Variants in CCDC61 observed in about 807,000 individuals in gnomAD.
CCDC61 encodes the protein centrosomal protein CCDC61.
CCDC61 carries 55 observed loss-of-function variants against 63.0 expected under a neutral mutation model. That is an observed-to-expected ratio of 0.87 (90% CI 0.70 to 1.09). CCDC61 has a LOEUF of 1.09. Among genes scored for constraint, CCDC61 ranks in the 50% least tolerant of loss-of-function variants. The pLI, the probability that CCDC61 is intolerant of heterozygous loss-of-function variation, is 0.00. For missense variants in CCDC61, 651 were observed against 731.4 expected (o/e 0.89, Z 1.27); for synonymous variants, 270 against 317.0 (o/e 0.85, Z 1.58).
chr19:46,006,707 A>C lies in CCDC61; in HGVS notation c.380A>C (p.Glu127Ala). 6.2e-7 allele frequency: 1 copy of C among 1,604,420 alleles called. No individual in the cohort carries two copies. Among genetic ancestry groups the C allele is most frequent in the Non-Finnish European group, 8.5e-7 (1 of 1,172,784 alleles). The change falls in exon 4 of 14, where the codon GAG (glutamate) becomes GCG (alanine). Residue 127 changes from glutamate (E) to alanine (A), a missense_variant. Coordinates refer to ENST00000595358, the MANE Select transcript of CCDC61 (RefSeq NM_001267723.2). Reference sequence around the variant, plus strand: ...TACCTGATCCTCATCTACTCCGTGGAGTTTGACAGGTGGGGAGAAGGGTCT... The same window carrying C: ...TACCTGATCCTCATCTACTCCGTGGCGTTTGACAGGTGGGGAGAAGGGTCT... ...KRYLILIYSV[E>A]FDRIHYPLPL...
chr19:46,015,380 C>T lies in CCDC61; in HGVS notation c.798C>T (p.Arg266=). The T allele has an allele frequency of 6.2e-7, 1 of 1,603,398 alleles. No individual in the cohort carries two copies. The highest frequency in any genetic ancestry group is 8.5e-7 in the Non-Finnish European group (1 of 1,179,100). The stretch of plus-strand genomic sequence containing the variant: ...CGAAGGCATCGGAGCGGAGCCTGCG[C>T]GCCCGGCTGAAGACGCTGACCAGCG... ...EEAKASERSL[R]ARLKTLTSEL... The change falls in exon 7 of 14, where the codon CGC becomes CGT. Residue 266 remains arginine, a synonymous_variant. Coordinates refer to ENST00000595358, the MANE Select transcript of CCDC61 (RefSeq NM_001267723.2). This position sits in a 1 kb window ranked among gnomAD's most constrained non-coding sequence, Gnocchi z 5.3.
chr19:46,006,357 G>C (rs1968709245), intron 3 of CCDC61, among the ~76,000 whole-genome samples: 1 of 152,242 alleles, frequency 6.6e-6, no homozygotes, highest in African/African-American at 2.4e-5. Context: ...CTCTGGTTGA[G>C]CATTTAGGTT....
At chr19:45,998,607 G>A (rs894106779) in intron 1 of CCDC61, among the ~76,000 whole-genome samples, 4 of 152,114 alleles carry the variant, frequency 2.6e-5, no homozygotes, top group African/African-American at 7.2e-5. Flanking sequence ...GGCATCTCCC[G>A]TTAAATTCAC....
Position 46,016,003 on chromosome 19 carries a change from T to G in CCDC61, c.846-51T>G. 1 of 1,228,374 alleles carries G rather than the reference T, an allele frequency of 8.1e-7. No homozygotes were observed. Among genetic ancestry groups the G allele is most frequent in the Non-Finnish European group, 1.0e-6 (1 of 986,020 alleles). The allele number at this position is 1,228,374 out of a possible 1,614,324, so 76.1% of individuals were successfully genotyped here. On this transcript the variant is annotated intron_variant, in intron 7 of 13. Coordinates refer to ENST00000595358, the MANE Select transcript of CCDC61 (RefSeq NM_001267723.2). This position sits in a 1 kb window ranked among gnomAD's most constrained non-coding sequence, Gnocchi z 7.2. ...GTGCGGTCGGGGAGGAGTCTCGCGA[T>G]TGAGTTTGTCGGGGCGGGCGGGAAG...
chr19:46,000,272 G>A (rs1968566629), intron 1 of CCDC61, among the ~76,000 whole-genome samples: 1 of 152,050 alleles, frequency 6.6e-6, no homozygotes, highest in African/African-American at 2.4e-5. Flanking sequence ...GGTGAAATAT[G>A]GGAGTGATGG....
At chr19:46,014,674 C>T (rs1469918544) in intron 5 of CCDC61, among the ~76,000 whole-genome samples, 1 of 152,038 alleles carries the variant, frequency 6.6e-6, no homozygotes, top group Non-Finnish European at 1.5e-5. Flanking sequence ...ACTGGCCTGG[C>T]GAGGTGGGAG....
Position 46,016,203 on chromosome 19 carries a change from G to T in CCDC61, c.995G>T (p.Arg332Leu). ...AGCCGGGGTCGGGGCCGCCCTGCGC[G>T]CCCCTCGCCCTCGCCCACAGGTCTG... ...RGSRGRGRPA[R>L]PSPSPTGGRA... Residue 332 changes from arginine to leucine, a missense_variant, in exon 8 of 14, where the codon CGC becomes CTC. Coordinates refer to ENST00000595358, the MANE Select transcript of CCDC61 (RefSeq NM_001267723.2). This position sits in a 1 kb window ranked among gnomAD's most constrained non-coding sequence, Gnocchi z 7.2. 4.3e-6 allele frequency: 6 copies of T among 1,395,246 alleles called. No individual in the cohort carries two copies. The highest frequency in any genetic ancestry group is 5.6e-6 in the Non-Finnish European group (6 of 1,076,736). 86.4% of individuals were successfully genotyped at this position (1,395,246 alleles called of 1,614,324 possible). A position where few individuals can be genotyped will look rare whatever the true frequency, so the allele number is the denominator to read the frequency against.
chr19:46,005,443 T>C (rs553772104), intron 3 of CCDC61, among the ~76,000 whole-genome samples: 95 of 152,246 alleles, frequency 6.2e-4, no homozygotes, highest in Non-Finnish European at 1.1e-3. Context: ...TACCTGTGGA[T>C]GATCTTGTAA....
intron 5 of CCDC61, among the ~76,000 whole-genome samples, chr19:46,008,766 A>G (rs1968767888): frequency 6.6e-6 from 1 of 152,136 alleles, no homozygotes; most frequent in Non-Finnish European, 1.5e-5. Flanking sequence ...AGTGGTGACC[A>G]AGACTATCTT....
chr19:46,015,291 G>A lies in CCDC61; in HGVS notation c.762+32G>A. The A allele has an allele frequency of 6.4e-7, 1 of 1,558,744 alleles. No individual in the cohort carries two copies. The highest frequency in any genetic ancestry group is 8.6e-7 in the Non-Finnish European group (1 of 1,161,928). ...AGCGGGGGCCCGGGGCGGCCAGCGA[G>A]GCGCGGACCTCGGCCTCAGCCTGGA... On this transcript the variant is annotated intron_variant, in intron 6 of 13. Transcript: ENST00000595358. This position sits in a 1 kb window ranked among gnomAD's most constrained non-coding sequence, Gnocchi z 5.3.
rs891694918 is a variant in CCDC61 at position 46,015,077 on chromosome 19, G to A, written c.580G>A (p.Glu194Lys). ...GTCGCGCCTGGCGTCCGAGAAGCGG[G>A]AGCTGGAGGCGCAGCTGGGCCGATC... ...QVSRLASEKR[E>K]LEAQLGRSRE... Residue 194 changes from glutamate to lysine, a missense_variant, in exon 6 of 14, where the codon GAG (glutamate) becomes AAG (lysine). Glu to Lys is a moderately conservative substitution (Grantham distance 56, BLOSUM62 1). Coordinates refer to ENST00000595358, the MANE Select transcript of CCDC61 (RefSeq NM_001267723.2). The surrounding 1 kb of genome is among the most constrained non-coding windows in gnomAD (Gnocchi z 5.3). 10 of 1,467,350 alleles carry A rather than the reference G, an allele frequency of 6.8e-6. No individual in the cohort carries two copies. In the African/African-American group the frequency reaches 1.5e-4, roughly 22 times the overall value. The allele number at this position is 1,467,350 out of a possible 1,614,324, so 90.9% of individuals were successfully genotyped here.
rs373036480 is a variant in CCDC61, at chr19:46,018,309, G to A, written c.1461G>A (p.Gln487=). ...VPIKEYSSEH[Q]AADMAEIDAR... is the part of the protein sequence containing the mutation. ...TCACAGAGTACAGCTCGGAGCACCA[G>A]GCGGCTGACATGGCCGAAATAGACG... Residue 487 remains glutamine, a synonymous_variant, in exon 14 of 14, where the codon CAG becomes CAA. Coordinates refer to ENST00000595358, the MANE Select transcript of CCDC61 (RefSeq NM_001267723.2). The surrounding 1 kb of genome is among the most constrained non-coding windows in gnomAD (Gnocchi z 4.2). The A allele has an allele frequency of 6.4e-7, 1 of 1,571,200 alleles. No homozygotes were observed. The highest frequency in any genetic ancestry group is 8.6e-7 in the Non-Finnish European group (1 of 1,158,740).
At chr19:46,014,299 C>A (rs1247427826) in intron 5 of CCDC61, among the ~76,000 whole-genome samples, 1 of 152,062 alleles carries the variant, frequency 6.6e-6, no homozygotes, top group East Asian at 1.9e-4. Flanking sequence ...TTTTTTCCCC[C>A]ATAGATTTTG....
chr19:46,017,147 T>A (rs1271374500), intron 11 of CCDC61, 78 bp downstream of exon 11: 6 of 1,545,406 alleles, frequency 3.9e-6, no homozygotes, highest in East Asian at 2.4e-5. Flanking sequence ...GCAGGGAAAT[T>A]GGGTGATGGA....
intron 2 of CCDC61, 83 bp downstream of exon 2, chr19:46,003,249 G>A: frequency 3.4e-6 from 5 of 1,487,726 alleles, no homozygotes; most frequent in East Asian, 2.4e-5. Context: ...CCTGAATCCT[G>A]CCCACCTGCC....
intron 3 of CCDC61, among the ~76,000 whole-genome samples, chr19:46,005,510 A>G (rs929356649): frequency 1.3e-5 from 2 of 152,214 alleles, no homozygotes; most frequent in Admixed American, 6.5e-5. Context: ...AGATTTTCCA[A>G]ATGTTGACAC....
chr19:46,009,732 C>G (rs1968787259), intron 5 of CCDC61, among the ~76,000 whole-genome samples: 1 of 152,198 alleles, frequency 6.6e-6, no homozygotes, highest in Admixed American at 6.5e-5. Context: ...AGGAGCTCGC[C>G]TGTGTACGGC....
chr19:46,016,855 G>T lies in CCDC61; in HGVS notation c.1231+22G>T. ...TCAGGTAACTGGCCTGGAGCTGGGG[G>T]CTGCCGGGCTAGGCGGGACTGGGCG... On this transcript the variant is annotated intron_variant, in intron 10 of 13. Coordinates refer to ENST00000595358, the MANE Select transcript of CCDC61 (RefSeq NM_001267723.2). This position sits in a 1 kb window ranked among gnomAD's most constrained non-coding sequence, Gnocchi z 7.2. The T allele has an allele frequency of 6.6e-7, 1 of 1,507,366 alleles. No individual in the cohort carries two copies. 93.4% of individuals were successfully genotyped at this position (1,507,366 alleles called of 1,614,324 possible).
At chr19:46,003,857 G>C (rs1014800552) in intron 3 of CCDC61, among the ~76,000 whole-genome samples, 1 of 146,980 alleles carries the variant, frequency 6.8e-6, no homozygotes, top group Admixed American at 7.0e-5. Context: ...GTGTGTGTGT[G>C]TGTGTATGCA....
Sources: allele counts gnomAD v4.1 joint callset (sites outside exome capture counted in the v4.1 genomes callset), GRCh38; gene constraint gnomAD v4.1.1; non-coding constraint Gnocchi (gnomAD v3.1); transcripts MANE v1.5; gene names NCBI Gene and HGNC (gene_info 2026-07-23, HGNC 2026-07-21).